Variants in FOXP2 observed in about 807,000 individuals in gnomAD.
FOXP2 encodes the protein forkhead box P2.
FOXP2 carries 12 observed loss-of-function variants against 115.8 expected under a neutral mutation model. The observed-to-expected ratio is 0.10, with a 90% CI of 0.07 to 0.17. The LOEUF (loss-of-function observed/expected upper bound fraction) is 0.17. FOXP2 is among the 10% of genes least tolerant of loss of function. The probability of loss-of-function intolerance (pLI) is 1.00; values close to 1 mark genes in which losing one functional copy is unlikely to be tolerated. For synonymous variants in FOXP2, 328 were observed against 297.7 expected, an observed-to-expected ratio of 1.10 and a Z score of -1.05; for missense variants, 629 against 843.5, an observed-to-expected ratio of 0.75 and a Z score of 3.15.
At chr7:114,672,894 T>C (rs1282095009) in intron 16 of FOXP2, among the ~76,000 whole-genome samples, 1 of 152,036 alleles carries the variant, frequency 6.6e-6, no homozygotes, top group Non-Finnish European at 1.5e-5. Context: ...AGGAAATAGA[T>C]AACAGTTGAG....
rs185640436 is a variant in FOXP2, at chr7:114,251,982, T to C, written c.-101-36037T>C. Among the ~76,000 whole-genome samples, 608 of 152,338 alleles carry C rather than the reference T, an allele frequency of 4.0e-3. 6 individuals carry two copies. Among genetic ancestry groups the C allele is most frequent in the African/African-American group, 0.014 (585 of 41,584 alleles). ...TACATCCCATCAATACCTAATTTAT[T>C]GAGCGTTTTTAGCATGAAGGGTTGT... On this transcript the variant is annotated intron_variant, in intron 1 of 17. Coordinates refer to the FOXP2 transcript ENST00000634411.
intron 1 of FOXP2, among the ~76,000 whole-genome samples, chr7:114,191,021 A>G (rs752370173): frequency 6.6e-6 from 1 of 152,104 alleles, no homozygotes; most frequent in East Asian, 1.9e-4. Context: ...TATGGATCAG[A>G]TAGTTTCTTG....
intron 1 of FOXP2, among the ~76,000 whole-genome samples, chr7:114,280,780 C>T (rs149052335): frequency 6.6e-6 from 1 of 152,216 alleles, no homozygotes; most frequent in African/African-American, 2.4e-5. Context: ...GTGATTCAGA[C>T]AAGTGTGTCA....
At chr7:114,378,850 G>C (rs540955614) in intron 2 of FOXP2, among the ~76,000 whole-genome samples, 10 of 146,014 alleles carry the variant, frequency 6.8e-5, no homozygotes, top group African/African-American at 2.5e-4. Context: ...CCAAATTGAT[G>C]TCTTCTTTAG....
chr7:114,505,263 A>T (rs899325034), intron 2 of FOXP2, among the ~76,000 whole-genome samples: 9 of 151,594 alleles, frequency 5.9e-5, no homozygotes, highest in African/African-American at 1.4e-4. Flanking sequence ...ACTCATTCTC[A>T]TATAAATAAT....
At chr7:114,419,673 C>T (rs117327635) in intron 1 of FOXP2, among the ~76,000 whole-genome samples, 2,334 of 150,938 alleles carry the variant, frequency 0.015, 26 homozygotes, top group Non-Finnish European at 0.027. Context: ...GAAACTATGC[C>T]GTCAAAAAAC....
intron 3 of FOXP2, among the ~76,000 whole-genome samples, chr7:114,625,676 T>TA (rs1486079072): frequency 6.6e-6 from 1 of 151,808 alleles, no homozygotes; most frequent in South Asian, 2.1e-4. Flanking sequence ...ATGAGTCACT[T>TA]AAAAATGAAG....
chr7:114,500,451 A>G (rs969652196), intron 2 of FOXP2, among the ~76,000 whole-genome samples: 9 of 152,024 alleles, frequency 5.9e-5, no homozygotes, highest in African/African-American at 1.7e-4. Flanking sequence ...TTAAAATATT[A>G]TGTATACATA....
chr7:114,658,001 A>C, intron 10 of FOXP2, 65 bp from the exon 11 acceptor site: 1 of 1,586,074 alleles, frequency 6.3e-7, no homozygotes, highest in South Asian at 1.1e-5. Context: ...CTCATTTGTC[A>C]AACCTTTTTA....
intron 2 of FOXP2, among the ~76,000 whole-genome samples, chr7:114,329,672 ATTTATTTATTTATTTATTTT>A (rs1186291043): frequency 1.1e-4 from 6 of 52,720 alleles, no homozygotes; most frequent in Non-Finnish European, 2.1e-4. Flanking sequence ...TTATTTATTT[ATTTATTTATTTATTTATTTT>A]ATGAGATGCA....
chr7:114,297,393 T>C (rs1796766313), intron 2 of FOXP2: 2 of 718,622 alleles, frequency 2.8e-6, no homozygotes, highest in Non-Finnish European at 4.7e-6. Context: ...GTGGCCCTTG[T>C]TGAGGCCCAC....
chr7:114,246,611 C>A (rs78805020), intron 1 of FOXP2, among the ~76,000 whole-genome samples: 6,939 of 151,952 alleles, frequency 0.046, 411 homozygotes, highest in African/African-American at 0.14. Context: ...GTAACTAATT[C>A]ATTCATTTTT....
At chr7:114,406,097 A>C (rs1793030275) in intron 2 of FOXP2, among the ~76,000 whole-genome samples, 1 of 100,570 alleles carries the variant, frequency 9.9e-6, no homozygotes, top group African/African-American at 3.2e-5. Context: ...TTGTATATGC[A>C]ACAAATTTTA....
At chr7:114,106,413 A>G (rs1431936614) in intron 1 of FOXP2, among the ~76,000 whole-genome samples, 1 of 133,812 alleles carries the variant, frequency 7.5e-6, no homozygotes, top group Non-Finnish European at 1.6e-5. Flanking sequence ...TATGTTTTTC[A>G]TCTTAAAAAC....
intron 1 of FOXP2, among the ~76,000 whole-genome samples, chr7:114,262,580 G>T (rs1347785383): frequency 6.6e-6 from 1 of 152,084 alleles, no homozygotes; most frequent in East Asian, 1.9e-4. Context: ...GTTCAGTATG[G>T]TAGCCATTAG....
chr7:114,447,251 T>C (rs1438210627), intron 2 of FOXP2, among the ~76,000 whole-genome samples: 1 of 152,112 alleles, frequency 6.6e-6, no homozygotes, highest in Non-Finnish European at 1.5e-5. Flanking sequence ...TCTTATCTAA[T>C]AACATCAATA....
chr7:114,679,311 C>T (rs981146197), intron 16 of FOXP2, among the ~76,000 whole-genome samples: 3 of 152,206 alleles, frequency 2.0e-5, no homozygotes, highest in Admixed American at 6.5e-5. Context: ...TTTTACTCCA[C>T]AATCTATAAA....
rs558396563 is a variant in FOXP2, at chr7:114,270,868, T to TA, written c.-101-17145dup. On this transcript the variant is annotated intron_variant, in intron 1 of 17. Transcript: ENST00000634411. ...ATTTCATGGATCATGCTTTGGTATC[T>TA]AAAAAATCATCACTATACCTAAGGT... Among the ~76,000 whole-genome samples the TA allele has an allele frequency of 2.6e-3, 399 of 152,210 alleles. 3 individuals carry two copies. The highest frequency in any genetic ancestry group is 9.2e-3 in the African/African-American group (384 of 41,556).
intron 1 of FOXP2, among the ~76,000 whole-genome samples, chr7:114,270,314 T>G (rs544208235): frequency 8.5e-5 from 13 of 152,268 alleles, no homozygotes; most frequent in African/African-American, 2.6e-4. Flanking sequence ...GGACTGAAAT[T>G]TTCAGTTCAT....
Sources: allele counts gnomAD v4.1 joint callset (sites outside exome capture counted in the v4.1 genomes callset), GRCh38; gene constraint gnomAD v4.1.1; transcripts MANE v1.5; gene names NCBI Gene and HGNC (gene_info 2026-07-23, HGNC 2026-07-21).